ARHGAP26: variants seen among roughly 807,000 people sequenced by gnomAD.
ARHGAP26 encodes the protein Rho GTPase activating protein 26.
A neutral mutation model predicts 104.8 loss-of-function variants in ARHGAP26; 38 were observed. The ratio of observed to expected loss-of-function variants is 0.36; its 90% CI spans 0.28 to 0.48. The LOEUF is 0.48. Among genes scored for constraint, ARHGAP26 ranks in the 20% least tolerant of loss-of-function variants. The probability of loss-of-function intolerance (pLI) is 0.99; values close to 1 mark genes in which losing one functional copy is unlikely to be tolerated. For synonymous variants in ARHGAP26, 341 were observed against 340.0 expected (o/e 1.00, Z -0.03); for missense variants, 704 against 947.9 (o/e 0.74, Z 3.38).
In ARHGAP26 at chr5:143,147,173, C is replaced by T. The variant is rs957124114; in HGVS notation, c.1838-58C>T. On this transcript the variant is annotated intron_variant, in intron 19 of 22. Coordinates refer to ENST00000645722, the MANE Select transcript of ARHGAP26 (RefSeq NM_001135608.3). ...TCTTTATACATTTTTGTGCATGTAG[C>T]AATAGACTGTCCCTATGCAATAATA... 9.6e-6 allele frequency: 15 copies of T among 1,565,146 alleles called. No individual in the cohort carries two copies. In the East Asian group the frequency reaches 2.0e-4, roughly 21 times the overall value.
At chr5:143,020,141 C>T (rs982639507) in intron 12 of ARHGAP26, among the ~76,000 whole-genome samples, 3 of 152,198 alleles carry the variant, frequency 2.0e-5, no homozygotes, top group Admixed American at 6.5e-5. Flanking sequence ...GTAGCTCTTC[C>T]TTCAGTGAAT....
At chr5:143,209,113 A>T (rs776103428) in intron 21 of ARHGAP26, among the ~76,000 whole-genome samples, 1 of 152,182 alleles carries the variant, frequency 6.6e-6, no homozygotes, top group African/African-American at 2.4e-5. Context: ...AAAATCTTCA[A>T]AATATTGGCC....
At chr5:142,817,743 C>T (rs1449022510) in intron 1 of ARHGAP26, among the ~76,000 whole-genome samples, 3 of 152,160 alleles carry the variant, frequency 2.0e-5, no homozygotes, top group Admixed American at 6.5e-5. Context: ...TACATCTGTG[C>T]TCGCCAAATT....
At chr5:142,883,558 G>A (rs1033466090) in intron 4 of ARHGAP26, among the ~76,000 whole-genome samples, 6 of 152,264 alleles carry the variant, frequency 3.9e-5, no homozygotes, top group African/African-American at 1.4e-4. Context: ...CACTCTGTGA[G>A]CATGTACCAG....
rs377356408 is a variant in ARHGAP26 at position 142,944,850 on chromosome 5, T to C, written c.1107+12725T>C. On this transcript the variant is annotated intron_variant, in intron 11 of 22. Transcript: ENST00000645722. ...AAAGCCCAAGGTACAAACCTAAGTT[T>C]CGCTTGTGTTCTTTCCTTAACTGAT... 6.7e-3 allele frequency among the ~76,000 whole-genome samples: 1,013 copies of C among 152,312 alleles called. 13 individuals carry two copies. Among genetic ancestry groups the C allele is most frequent in the African/African-American group, 0.022 (913 of 41,552 alleles).
At chr5:143,076,159 A>T (rs1203238825) in intron 17 of ARHGAP26, among the ~76,000 whole-genome samples, 1 of 109,976 alleles carries the variant, frequency 9.1e-6, no homozygotes, top group African/African-American at 3.5e-5. Flanking sequence ...GACCTGGCTA[A>T]TTTTTTTTTT....
At position 143,046,653 on chromosome 5, in the gene ARHGAP26, CT is replaced by C. The variant is rs1371954487; in HGVS notation, c.1285+4764del. Among the ~76,000 whole-genome samples the C allele has an allele frequency of 1.2e-4, 18 of 152,204 alleles. No individual in the cohort carries two copies. The East Asian group carries it at 3.1e-3, about 26-fold the overall frequency. On this transcript the variant is annotated intron_variant, in intron 14 of 22. Transcript: ENST00000645722. ...TCTGTGTGTCTGGGGGTTTTCCCCC[CT>C]GAATATTAAGTAAAGATAAATCTTT...
chr5:142,894,200 T>A (rs763522647), intron 5 of ARHGAP26, 38 bp from the exon 6 acceptor site: 1 of 1,574,638 alleles, frequency 6.4e-7, no homozygotes, highest in Non-Finnish European at 8.7e-7. Context: ...CCTTGGGTAG[T>A]GACTTGATTT....
chr5:143,059,934 C>G (rs1786454936), intron 17 of ARHGAP26, among the ~76,000 whole-genome samples: 1 of 152,058 alleles, frequency 6.6e-6, no homozygotes, highest in African/African-American at 2.4e-5. Context: ...TTAAAATGTC[C>G]CTGTGGAGAA....
intron 4 of ARHGAP26, among the ~76,000 whole-genome samples, chr5:142,879,978 A>T (rs1756714864): frequency 6.6e-6 from 1 of 152,190 alleles, no homozygotes; most frequent in South Asian, 2.1e-4. Flanking sequence ...TTCAAGACAA[A>T]CTGAAAAGCC....
At chr5:143,044,812 T>A (rs1783997548) in intron 14 of ARHGAP26, among the ~76,000 whole-genome samples, 1 of 151,874 alleles carries the variant, frequency 6.6e-6, no homozygotes, top group Admixed American at 6.6e-5. Flanking sequence ...GAGGAGGAAG[T>A]TGGTTGTAAT....
chr5:142,903,422 C>T, intron 7 of ARHGAP26, 118 bp from the exon 8 acceptor site: 1 of 1,145,996 alleles, frequency 8.7e-7, no homozygotes. Context: ...TTGGCCAGTT[C>T]CTGGAAGGTT....
intron 16 of ARHGAP26, among the ~76,000 whole-genome samples, chr5:143,057,159 A>G (rs541737504): frequency 3.3e-5 from 5 of 152,224 alleles, no homozygotes; most frequent in Non-Finnish European, 5.9e-5. Flanking sequence ...GCTGGTTGTC[A>G]TATGTGACTT....
At chr5:142,851,505 AGTT>A (rs1415328338) in intron 1 of ARHGAP26, among the ~76,000 whole-genome samples, 2 of 152,232 alleles carry the variant, frequency 1.3e-5, no homozygotes, top group African/African-American at 2.4e-5. Context: ...AGTTCAGTTC[AGTT>A]GTTTTATTAT....
At chr5:143,108,937 C>T (rs1794429348) in intron 17 of ARHGAP26, among the ~76,000 whole-genome samples, 1 of 152,256 alleles carries the variant, frequency 6.6e-6, no homozygotes, top group Non-Finnish European at 1.5e-5. Flanking sequence ...CCTGTTGGAG[C>T]TAAGCCACAT....
At chr5:142,786,169 A>G (rs1758587068) in intron 1 of ARHGAP26, among the ~76,000 whole-genome samples, 1 of 146,342 alleles carries the variant, frequency 6.8e-6, no homozygotes. Flanking sequence ...TTTTGTAGCG[A>G]TGGGGGTCTC....
At chr5:143,213,077 G>A (rs1809765148) in intron 21 of ARHGAP26, among the ~76,000 whole-genome samples, 2 of 152,082 alleles carry the variant, frequency 1.3e-5, no homozygotes, top group African/African-American at 4.8e-5. Flanking sequence ...CCCAGGAGGC[G>A]GAGCTTGCAG....
At chr5:142,869,649 T>C (rs980254788) in intron 1 of ARHGAP26, among the ~76,000 whole-genome samples, 2 of 152,204 alleles carry the variant, frequency 1.3e-5, no homozygotes, top group Non-Finnish European at 2.9e-5. Context: ...TGCACATGTA[T>C]GTTAAGTTTT....
At chr5:143,147,134 T>C (rs1799259029) in intron 19 of ARHGAP26, 97 bp from the exon 20 acceptor site, 2 of 1,353,876 alleles carry the variant, frequency 1.5e-6, no homozygotes, top group Admixed American at 2.3e-5. Context: ...TCAGAGATCT[T>C]GATCCAGTCT....
Sources: allele counts gnomAD v4.1 joint callset (sites outside exome capture counted in the v4.1 genomes callset), GRCh38; gene constraint gnomAD v4.1.1; transcripts MANE v1.5; gene names NCBI Gene and HGNC (gene_info 2026-07-23, HGNC 2026-07-21).